The following SMIM13 variants were observed in gnomAD, a reference collection of about 807,000 sequenced individuals.
SMIM13 encodes the protein UPF0766 protein C6orf228.
Under a neutral mutation model 5.9 loss-of-function variants are expected in SMIM13, and 3 were observed. That is an observed-to-expected ratio of 0.51 (90% CI 0.23 to 1.31). SMIM13 has a LOEUF of 1.31. Ranked by LOEUF, SMIM13 falls within the 40% of genes most tolerant of loss-of-function variation. SMIM13 has a pLI of 0.18. For synonymous variants in SMIM13, 55 were observed against 46.0 expected, an observed-to-expected ratio of 1.19 and a Z score of -0.79; for missense variants, 85 against 109.9, an observed-to-expected ratio of 0.77 and a Z score of 1.01.
intron 1 of SMIM13, chr6:11,104,980 C>T (rs1175025317): frequency 5.0e-6 from 8 of 1,613,920 alleles, no homozygotes; most frequent in South Asian, 2.2e-5. Context: ...AAGATGGGTC[C>T]GAAAATGGGA....
intron 1 of SMIM13, among the ~76,000 whole-genome samples, chr6:11,125,913 T>G (rs1362678602): frequency 1.3e-5 from 2 of 152,212 alleles, no homozygotes; most frequent in Non-Finnish European, 2.9e-5. Context: ...AAATAAACTT[T>G]GTACCCTAAT....
intron 1 of SMIM13, among the ~76,000 whole-genome samples, chr6:11,120,843 A>T (rs1476313483): frequency 6.6e-6 from 1 of 152,176 alleles, no homozygotes; most frequent in African/African-American, 2.4e-5. Flanking sequence ...AAGCACAGTG[A>T]TTGAATGTAA....
intron 1 of SMIM13, among the ~76,000 whole-genome samples, chr6:11,131,655 G>T (rs1311227300): frequency 6.6e-6 from 1 of 152,000 alleles, no homozygotes; most frequent in African/African-American, 2.4e-5. Context: ...TTTGACAAAG[G>T]TGCCAAGATA....
rs202182068 is a variant in SMIM13 at position 11,121,900 on chromosome 6, TC to T, written c.77-12499del. Among the ~76,000 whole-genome samples the T allele has an allele frequency of 4.5e-4, 65 of 144,934 alleles. 1 individual carries two copies. The East Asian group carries it at 0.011, about 25-fold the overall frequency. Reference sequence around the variant, plus strand: ...AATGTCTGGCCAGTTTCTTTGTTGCTCCCCTTACATACATACCTACACCGTC... The same window carrying T: ...AATGTCTGGCCAGTTTCTTTGTTGCTCCCTTACATACATACCTACACCGTC... On this transcript the variant is annotated intron_variant, in intron 1 of 1. Transcript: ENST00000416247.
intron 1 of SMIM13, among the ~76,000 whole-genome samples, chr6:11,128,964 CT>C (rs1427942642): frequency 6.6e-6 from 1 of 151,870 alleles, no homozygotes; most frequent in Admixed American, 6.6e-5. Flanking sequence ...TTCAGTGCCT[CT>C]TTTATTAATA....
intron 1 of SMIM13, among the ~76,000 whole-genome samples, chr6:11,109,107 A>G (rs1468404952): frequency 6.6e-6 from 1 of 152,244 alleles, no homozygotes; most frequent in Non-Finnish European, 1.5e-5. Flanking sequence ...AGTGTCAGGC[A>G]TGTGCATTGT....
intron 1 of SMIM13, 111 bp downstream of exon 1, chr6:11,094,500 A>G (rs1027662455): frequency 3.6e-6 from 3 of 840,658 alleles, no homozygotes; most frequent in Non-Finnish European, 5.4e-6. Flanking sequence ...TGGACGGACA[A>G]TTGTCTTAAA....
intron 1 of SMIM13, among the ~76,000 whole-genome samples, chr6:11,096,554 A>G (rs1238789149): frequency 2.0e-5 from 3 of 152,170 alleles, no homozygotes; most frequent in Non-Finnish European, 4.4e-5. Flanking sequence ...TGGGGCGGGA[A>G]CTTGGGGAGA....
intron 1 of SMIM13, among the ~76,000 whole-genome samples, chr6:11,099,252 G>A (rs1757962421): frequency 6.6e-6 from 1 of 151,932 alleles, no homozygotes; most frequent in African/African-American, 2.4e-5. Context: ...TCGGCTCACT[G>A]CAACCTCCAC....
chr6:11,127,085 G>A (rs909014310), intron 1 of SMIM13, among the ~76,000 whole-genome samples: 2 of 152,180 alleles, frequency 1.3e-5, no homozygotes, highest in African/African-American at 2.4e-5. Flanking sequence ...AGTCAGACTC[G>A]AAGCCAGCAT....
intron 1 of SMIM13, chr6:11,104,676 T>G (rs1449469326): frequency 6.2e-7 from 1 of 1,614,238 alleles, no homozygotes; most frequent in Admixed American, 1.7e-5. Context: ...ACATTGGTTA[T>G]AATCAGCAGG....
intron 1 of SMIM13, among the ~76,000 whole-genome samples, chr6:11,108,141 T>C (rs774034037): frequency 6.6e-6 from 1 of 152,110 alleles, no homozygotes; most frequent in African/African-American, 2.4e-5. Context: ...CTGGCATCAC[T>C]AAAAATGAAT....
intron 1 of SMIM13, among the ~76,000 whole-genome samples, chr6:11,121,426 A>G (rs999585691): frequency 6.6e-6 from 1 of 152,190 alleles, no homozygotes; most frequent in Non-Finnish European, 1.5e-5. Context: ...TTTTCAGAAG[A>G]AGGCTGCCTG....
rs557880580 is a variant in SMIM13 at position 11,094,727 on chromosome 6, T to G, written c.76+338T>G. On this transcript the variant is annotated intron_variant, in intron 1 of 1. Transcript: ENST00000416247. ...GGCCTGCATTCGAAGGTGAAGTGAT[T>G]GATTGGTCCTTTTTCATTTGCACAG... is the stretch of plus-strand genomic sequence containing the variant. Among the ~76,000 whole-genome samples, 5 of 152,256 alleles carry G rather than the reference T, an allele frequency of 3.3e-5. No homozygotes were observed. In the South Asian group the frequency reaches 1.0e-3, roughly 32 times the overall value.
intron 1 of SMIM13, among the ~76,000 whole-genome samples, chr6:11,111,270 G>A (rs1320293974): frequency 1.3e-5 from 2 of 152,232 alleles, no homozygotes; most frequent in Middle Eastern, 3.2e-3. Context: ...TACCCCCAAG[G>A]CAGTTGGTCC....
chr6:11,122,891 C>T (rs138159745), intron 1 of SMIM13, among the ~76,000 whole-genome samples: 51 of 152,124 alleles, frequency 3.4e-4, no homozygotes, highest in African/African-American at 1.2e-3. Context: ...GCTGTTCCCT[C>T]TACTCCCCTC....
intron 1 of SMIM13, chr6:11,104,205 G>C: frequency 6.4e-7 from 1 of 1,551,716 alleles, no homozygotes; most frequent in East Asian, 2.4e-5. Flanking sequence ...AGCAATTCCG[G>C]TTCCCGTACC....
intron 1 of SMIM13, among the ~76,000 whole-genome samples, chr6:11,118,361 A>C (rs1758267854): frequency 6.6e-6 from 1 of 152,230 alleles, no homozygotes; most frequent in East Asian, 1.9e-4. Context: ...TTCAGAGCAG[A>C]CATTGAGCTC....
intron 1 of SMIM13, 118 bp from the exon 2 acceptor site, chr6:11,134,285 T>G: frequency 1.6e-6 from 1 of 635,004 alleles, no homozygotes; most frequent in South Asian, 2.5e-5. Flanking sequence ...ATTATATATT[T>G]GTAATTATGT....
Sources: allele counts gnomAD v4.1 joint callset (sites outside exome capture counted in the v4.1 genomes callset), GRCh38; gene constraint gnomAD v4.1.1; transcripts MANE v1.5; gene names NCBI Gene and HGNC (gene_info 2026-07-23, HGNC 2026-07-21).